Variants in AUTS2 observed in about 807,000 individuals in gnomAD.
AUTS2 encodes autism susceptibility gene 2 protein.
AUTS2 carries 17 observed loss-of-function variants against 112.4 expected under a neutral mutation model. That is an observed-to-expected ratio of 0.15 (90% CI 0.10 to 0.23). The LOEUF is 0.23. AUTS2 is among the 10% of genes least tolerant of loss of function. The probability of loss-of-function intolerance (pLI) is 1.00; values close to 1 mark genes in which losing one functional copy is unlikely to be tolerated. For missense variants in AUTS2, 1,510 were observed against 1,701.6 expected (o/e 0.89, Z 1.98); for synonymous variants, 751 against 702.7 (o/e 1.07, Z -1.09).
intron 2 of AUTS2, among the ~76,000 whole-genome samples, chr7:70,068,524 TATG>T (rs1802606668): frequency 6.6e-6 from 1 of 152,172 alleles, no homozygotes; most frequent in African/African-American, 2.4e-5. Flanking sequence ...ATATTACACT[TATG>T]ATAAAAATTA....
At chr7:70,512,117 G>T (rs79145304) in intron 5 of AUTS2, among the ~76,000 whole-genome samples, 1,652 of 152,298 alleles carry the variant, frequency 0.011, 15 homozygotes, top group Non-Finnish European at 0.017. Context: ...TTTCAGCTGT[G>T]AATATGGGTC....
At chr7:70,116,676 C>G (rs1324390441) in intron 2 of AUTS2, among the ~76,000 whole-genome samples, 2 of 152,152 alleles carry the variant, frequency 1.3e-5, no homozygotes, top group African/African-American at 4.8e-5. Context: ...GTTGCTTTTT[C>G]TGTCTTTGCT....
At chr7:70,011,064 A>G (rs546128987) in intron 2 of AUTS2, among the ~76,000 whole-genome samples, 2 of 152,154 alleles carry the variant, frequency 1.3e-5, no homozygotes, top group South Asian at 4.2e-4. Flanking sequence ...TTAAAATAGG[A>G]GTTAAGGCTA....
rs145325361 is a variant in AUTS2, at chr7:70,612,097, C to T, written c.691-86472C>T. On this transcript the variant is annotated intron_variant, in intron 5 of 18. Coordinates refer to ENST00000342771, the MANE Select transcript of AUTS2 (RefSeq NM_015570.4). Reference sequence around the variant, plus strand: ...AAAACATCTGCTCCTGACTTTAACACGGGAACAAATGACCCCAGATTATTA... The same window carrying T: ...AAAACATCTGCTCCTGACTTTAACATGGGAACAAATGACCCCAGATTATTA... Among the ~76,000 whole-genome samples, 1,030 of 152,246 alleles carry T rather than the reference C, an allele frequency of 6.8e-3. 3 individuals are homozygous for T. Among genetic ancestry groups the T allele is most frequent in the Non-Finnish European group, 0.011 (767 of 68,012 alleles).
chr7:70,586,496 T>G (rs1802696543), intron 5 of AUTS2, among the ~76,000 whole-genome samples: 1 of 152,226 alleles, frequency 6.6e-6, no homozygotes, highest in East Asian at 1.9e-4. Context: ...AAGGGAAGGA[T>G]TCTATTTAGG....
rs569908386 is a variant in AUTS2, at chr7:69,616,903, T to A, written c.309+16941T>A. Among the ~76,000 whole-genome samples, 221 of 152,276 alleles carry A rather than the reference T, an allele frequency of 1.5e-3. 1 individual carries two copies. Among genetic ancestry groups the A allele is most frequent in the African/African-American group, 4.5e-3 (186 of 41,550 alleles). On this transcript the variant is annotated intron_variant, in intron 1 of 18. Transcript: ENST00000342771. ...TTTGAGAAGAAAAAAGTGTCTGGAT[T>A]TGTTTATTCTTTCATTCAAAAAAAA...
chr7:70,217,934 T>TTTTG (rs142465356), intron 4 of AUTS2, among the ~76,000 whole-genome samples: 6 of 152,352 alleles, frequency 3.9e-5, no homozygotes, highest in Non-Finnish European at 5.9e-5. Flanking sequence ...GTTTTCTGGT[T>TTTTG]TTTGTTTGTT....
chr7:70,768,202 G>T, intron 10 of AUTS2, 134 bp downstream of exon 10: 2 of 819,350 alleles, frequency 2.4e-6, no homozygotes, highest in East Asian at 5.5e-5. Flanking sequence ...TCGCCACTTT[G>T]GATGCTTGCT....
intron 5 of AUTS2, among the ~76,000 whole-genome samples, chr7:70,683,397 C>G (rs2129545418): frequency 6.6e-6 from 1 of 152,288 alleles, no homozygotes; most frequent in South Asian, 2.1e-4. Flanking sequence ...CATGAGAATA[C>G]TGTACTAGAT....
intron 4 of AUTS2, chr7:70,292,784 T>C (rs1348539812): frequency 6.6e-6 from 1 of 152,244 alleles, no homozygotes; most frequent in African/African-American, 2.4e-5. Flanking sequence ...TATACCGTGA[T>C]GCAGCCTAAT....
chr7:70,079,966 G>C (rs1803223667), intron 2 of AUTS2, among the ~76,000 whole-genome samples: 1 of 152,128 alleles, frequency 6.6e-6, no homozygotes, highest in Admixed American at 6.5e-5. Flanking sequence ...AGAGTTTGAA[G>C]CTCTTTTATA....
chr7:70,327,667 G>A (rs1299128221), intron 4 of AUTS2, among the ~76,000 whole-genome samples: 1 of 152,168 alleles, frequency 6.6e-6, no homozygotes, highest in Non-Finnish European at 1.5e-5. Context: ...GGATTTGGAT[G>A]TTCTGGGCGT....
At chr7:69,651,155 C>T (rs1180905810) in intron 1 of AUTS2, among the ~76,000 whole-genome samples, 2 of 152,146 alleles carry the variant, frequency 1.3e-5, no homozygotes, top group Non-Finnish European at 1.5e-5. Context: ...ACTGCCTGGG[C>T]GTGACTGGTC....
At chr7:69,645,473 C>G (rs1369683053) in intron 1 of AUTS2, among the ~76,000 whole-genome samples, 2 of 152,122 alleles carry the variant, frequency 1.3e-5, no homozygotes, top group Non-Finnish European at 2.9e-5. Context: ...GATGTATAGT[C>G]AGGTAGAGAG....
At chr7:70,621,955 T>C (rs1159605826) in intron 5 of AUTS2, among the ~76,000 whole-genome samples, 1 of 149,686 alleles carries the variant, frequency 6.7e-6, no homozygotes, top group Non-Finnish European at 1.5e-5. Flanking sequence ...TAAGCAGTTC[T>C]CCTGCCTCAG....
At chr7:70,393,296 T>C (rs148763009) in intron 4 of AUTS2, among the ~76,000 whole-genome samples, 4 of 152,290 alleles carry the variant, frequency 2.6e-5, no homozygotes, top group Middle Eastern at 3.4e-3. Context: ...TGGGAACTTG[T>C]TTTCAGGAGA....
chr7:70,179,556 G>C (rs1340567067), intron 4 of AUTS2, among the ~76,000 whole-genome samples: 1 of 152,192 alleles, frequency 6.6e-6, no homozygotes, highest in Non-Finnish European at 1.5e-5. Flanking sequence ...TGATTTGGCA[G>C]ATGTTTTCTG....
intron 1 of AUTS2, among the ~76,000 whole-genome samples, chr7:69,861,449 G>C (rs1293514291): frequency 6.6e-6 from 1 of 152,094 alleles, no homozygotes; most frequent in Non-Finnish European, 1.5e-5. Flanking sequence ...CCATCTCACA[G>C]TTATAAAGGT....
intron 6 of AUTS2, among the ~76,000 whole-genome samples, chr7:70,705,543 G>C (rs923253085): frequency 3.3e-5 from 5 of 152,186 alleles, no homozygotes; most frequent in Non-Finnish European, 7.3e-5. Context: ...AGAAACAGCT[G>C]TCTATTGAAG....
Sources: allele counts gnomAD v4.1 joint callset (sites outside exome capture counted in the v4.1 genomes callset), GRCh38; gene constraint gnomAD v4.1.1; transcripts MANE v1.5; gene names NCBI Gene and HGNC (gene_info 2026-07-23, HGNC 2026-07-21).